Variants in CFAP57 observed in about 807,000 individuals in gnomAD.
CFAP57 encodes cilia- and flagella-associated protein 57.
A neutral mutation model predicts 146.8 loss-of-function variants in CFAP57; 116 were observed. That is an observed-to-expected ratio of 0.79 (90% CI 0.68 to 0.92). The LOEUF (loss-of-function observed/expected upper bound fraction) is 0.92, where lower values mean the gene tolerates loss of function less well. Among genes scored for constraint, CFAP57 ranks in the 40% least tolerant of loss-of-function variants. The probability of loss-of-function intolerance (pLI) is 0.00; values close to 1 mark genes in which losing one functional copy is unlikely to be tolerated. For missense variants in CFAP57, 1,377 were observed against 1,527.2 expected (o/e 0.90, Z 1.64); for synonymous variants, 518 against 552.8 (o/e 0.94, Z 0.88).
At chr1:43,239,081 C>T (rs142202953) in intron 21 of CFAP57, among the ~76,000 whole-genome samples, 3 of 152,072 alleles carry the variant, frequency 2.0e-5, no homozygotes, top group Non-Finnish European at 4.4e-5. Context: ...GGGTTGCACA[C>T]TGTCACACTG....
At chr1:43,199,324 G>T (rs1644009160) in intron 8 of CFAP57, 66 bp from the exon 9 acceptor site, 1 of 1,502,734 alleles carries the variant, frequency 6.7e-7, no homozygotes, top group South Asian at 1.1e-5. Context: ...AGCACCTCTT[G>T]ACTGTAACCT....
In CFAP57 at chr1:43,172,391, G is replaced by C; in HGVS notation, c.-82G>C. 1 of 1,551,522 alleles carries C rather than the reference G, an allele frequency of 6.4e-7. No individual in the cohort carries two copies. The highest frequency in any genetic ancestry group is 8.7e-7 in the Non-Finnish European group (1 of 1,146,956). The stretch of plus-strand genomic sequence containing the variant: ...CGTTTGAAAGTGTCCGGGTTGCTTA[G>C]GATCCCTACAGGTAGCGCCTCTGGA... On this transcript the variant is annotated 5_prime_UTR_variant, in exon 1 of 23. Transcript: ENST00000372492.
intron 4 of CFAP57, among the ~76,000 whole-genome samples, chr1:43,184,295 A>G (rs1477130583): frequency 6.6e-6 from 1 of 152,210 alleles, no homozygotes; most frequent in East Asian, 1.9e-4. Context: ...CAACAAGTGC[A>G]AGGAAATGTT....
intron 2 of CFAP57, among the ~76,000 whole-genome samples, chr1:43,176,054 G>A (rs771965364): frequency 3.3e-5 from 5 of 151,766 alleles, no homozygotes; most frequent in Non-Finnish European, 7.4e-5. Flanking sequence ...ATCACCAGGG[G>A]CCTTGTACAC....
Position 43,172,412 on chromosome 1 carries a change from C to CT in CFAP57, c.-60dup, listed in dbSNP as rs1020683636. On this transcript the variant is annotated 5_prime_UTR_variant, in exon 1 of 23. Transcript: ENST00000372492. Reference sequence around the variant, plus strand: ...CTTAGGATCCCTACAGGTAGCGCCTCTGGATACATGCGTGGTCTGCTGACC... The same window carrying CT: ...CTTAGGATCCCTACAGGTAGCGCCTCTTGGATACATGCGTGGTCTGCTGACC... 7 of 1,551,292 alleles carry CT rather than the reference C, an allele frequency of 4.5e-6. No homozygotes were observed. The African/African-American group carries it at 9.6e-5, about 21-fold the overall frequency.
chr1:43,248,677 C>T (rs552405366), intron 22 of CFAP57, among the ~76,000 whole-genome samples: 31 of 152,082 alleles, frequency 2.0e-4, no homozygotes, highest in Admixed American at 9.2e-4. Context: ...CTAAATTAGA[C>T]AAAATTATTT....
At chr1:43,196,968 TA>T (rs1413984231) in intron 6 of CFAP57, among the ~76,000 whole-genome samples, 3 of 152,206 alleles carry the variant, frequency 2.0e-5, no homozygotes, top group Non-Finnish European at 4.4e-5. Context: ...GGAAGCCACT[TA>T]AATGTTCCTA....
chr1:43,227,064 C>G lies in CFAP57; in HGVS notation c.2947C>G (p.Leu983Val). 6.5e-7 allele frequency: 1 copy of G among 1,544,882 alleles called. No homozygotes were observed. The highest frequency in any genetic ancestry group is 2.5e-5 in the East Asian group (1 of 40,680). The change falls in exon 18 of 23, where the codon CTG becomes GTG. Residue 983 changes from leucine to valine, a missense_variant. Physicochemically the swap from Leu to Val is conservative, Grantham distance 32. Coordinates refer to ENST00000372492, the MANE Select transcript of CFAP57 (RefSeq NM_001378189.1). ...TGTGCTTGACTACAAAATAAAGGAG[C>G]TGAAGAAGCAAATAGAACCTCGAGA... Reference protein sequence around the residue: ...KFVLDYKIKELKKQIEPRENE... With the variant: ...KFVLDYKIKEVKKQIEPRENE...
chr1:43,181,222 C>T lies in CFAP57; in HGVS notation c.158-312C>T, dbSNP rs568281969. The stretch of plus-strand genomic sequence containing the variant: ...GAGTAGCTGGGATTACAGGTGCCTG[C>T]CACCACACCCGGCTAATTTTTTTAT... On this transcript the variant is annotated intron_variant, in intron 2 of 22. Transcript: ENST00000372492. 2.6e-4 allele frequency among the ~76,000 whole-genome samples: 39 copies of T among 152,290 alleles called. No individual in the cohort carries two copies. The South Asian group carries it at 2.7e-3, about 11-fold the overall frequency.
At position 43,232,207 on chromosome 1, in the gene CFAP57, A is replaced by C. The variant is rs533651786; in HGVS notation, c.3010-301A>C. On this transcript the variant is annotated intron_variant, in intron 18 of 22. Coordinates refer to ENST00000372492, the MANE Select transcript of CFAP57 (RefSeq NM_001378189.1). ...AGTGCTTGGGTGTCACCAATTTATAAGGAATTCAAGAAAATAAAATAATCA... is the reference window on the plus strand; with the variant it reads ...AGTGCTTGGGTGTCACCAATTTATACGGAATTCAAGAAAATAAAATAATCA... The C allele has an allele frequency of 2.6e-5, 16 of 618,900 alleles. No individual in the cohort carries two copies. The East Asian group carries it at 3.3e-4, about 13-fold the overall frequency. 38.3% of individuals were successfully genotyped at this position (618,900 alleles called of 1,614,324 possible). A position where few individuals can be genotyped will look rare whatever the true frequency, so the allele number is the denominator to read the frequency against.
At chr1:43,233,256 C>T (rs1483056766) in intron 19 of CFAP57, among the ~76,000 whole-genome samples, 3 of 152,108 alleles carry the variant, frequency 2.0e-5, no homozygotes, top group Admixed American at 2.0e-4. Context: ...TTTGGGAGGC[C>T]GAGGCAGGTG....
intron 15 of CFAP57, 41 bp from the exon 16 acceptor site, chr1:43,222,783 T>G: frequency 6.8e-7 from 1 of 1,474,558 alleles, no homozygotes; most frequent in Non-Finnish European, 9.0e-7. Flanking sequence ...GATGTGTGAG[T>G]CCCTTCTCCC....
At position 43,209,882 on chromosome 1, in the gene CFAP57, A is replaced by G. The variant is rs148890050; in HGVS notation, c.1895A>G (p.Asn632Ser). ...CCTCTGCCTCTGCAGAAGGAATTCAATGAGTACCAGGCCCATGCCGGTCCT... is the reference window on the plus strand; with the variant it reads ...CCTCTGCCTCTGCAGAAGGAATTCAGTGAGTACCAGGCCCATGCCGGTCCT... ...KYPLPLQKEF[N>S]EYQAHAGPIT... Residue 632 changes from asparagine (N) to serine (S), a missense_variant, in exon 11 of 23, where the codon AAT becomes AGT. Transcript: ENST00000372492. 97 of 1,614,258 alleles carry G rather than the reference A, an allele frequency of 6.0e-5. No individual in the cohort carries two copies. In the African/African-American group the frequency reaches 7.2e-4, roughly 12 times the overall value.
intron 17 of CFAP57, among the ~76,000 whole-genome samples, chr1:43,225,257 ACT>A (rs1645201815): frequency 6.6e-6 from 1 of 151,818 alleles, no homozygotes; most frequent in African/African-American, 2.4e-5. Flanking sequence ...CAATGCTGCC[ACT>A]CTCCTGCTCA....
chr1:43,219,781 A>C, intron 13 of CFAP57: 1 of 403,480 alleles, frequency 2.5e-6, no homozygotes, highest in Admixed American at 3.5e-5. Flanking sequence ...GTTCAAGACC[A>C]GCCTGGCCAA....
At chr1:43,219,274 A>G in intron 12 of CFAP57, 108 bp from the exon 13 acceptor site, 2 of 1,179,298 alleles carry the variant, frequency 1.7e-6, no homozygotes, top group Non-Finnish European at 2.3e-6. Flanking sequence ...AGACACATTG[A>G]GTTTGAAGCT....
rs745963739 is a variant in CFAP57, at chr1:43,197,609, C to T, written c.1179C>T (p.Thr393=). 4.3e-6 allele frequency: 7 copies of T among 1,614,006 alleles called. No individual in the cohort carries two copies. Among genetic ancestry groups the T allele is most frequent in the Middle Eastern group, 1.6e-4 (1 of 6,084 alleles). The change falls in exon 7 of 23, where the codon ACC becomes ACT. Residue 393 remains threonine, a synonymous_variant. Coordinates refer to ENST00000372492, the MANE Select transcript of CFAP57 (RefSeq NM_001378189.1). ...ATCCATTGCACTCAGCACCCATCAC[C>T]GGTCTAGCTACCTGCATCCGCAAAC... ...LMYPLHSAPI[T]GLATCIRKPL... is the part of the protein sequence containing the mutation.
intron 6 of CFAP57, among the ~76,000 whole-genome samples, chr1:43,192,621 C>A (rs1488362826): frequency 6.8e-6 from 1 of 147,620 alleles, no homozygotes; most frequent in Admixed American, 6.8e-5. Flanking sequence ...GAAACTCCAT[C>A]TCAAAAATAA....
intron 22 of CFAP57, among the ~76,000 whole-genome samples, chr1:43,251,614 AAAC>A (rs554385475): frequency 1.3e-5 from 2 of 152,270 alleles, no homozygotes; most frequent in Non-Finnish European, 2.9e-5. Flanking sequence ...ACAAATGAAA[AAAC>A]AAAGCAATTA....
Sources: allele counts gnomAD v4.1 joint callset (sites outside exome capture counted in the v4.1 genomes callset), GRCh38; gene constraint gnomAD v4.1.1; transcripts MANE v1.5; gene names NCBI Gene and HGNC (gene_info 2026-07-23, HGNC 2026-07-21).